The following DYNC1I2 variants were observed in gnomAD, a reference collection of about 807,000 sequenced individuals.
DYNC1I2 encodes the protein dynein cytoplasmic 1 intermediate chain 2, also known as cytoplasmic dynein 1 intermediate chain 2.
A neutral mutation model predicts 88.6 loss-of-function variants in DYNC1I2; 53 were observed. The ratio of observed to expected loss-of-function variants is 0.60; its 90% confidence interval spans 0.48 to 0.75. The LOEUF (loss-of-function observed/expected upper bound fraction) is 0.75, where lower values mean the gene tolerates loss of function less well. Among genes scored for constraint, DYNC1I2 ranks in the 30% least tolerant of loss-of-function variants. The probability of loss-of-function intolerance (pLI) is 0.00; values close to 1 mark genes in which losing one functional copy is unlikely to be tolerated. For synonymous variants in DYNC1I2, 198 were observed against 254.6 expected, an observed-to-expected ratio of 0.78 and a Z score of 2.12; for missense variants, 458 against 766.6, an observed-to-expected ratio of 0.60 and a Z score of 4.75.
At chr2:171,715,235 T>C in intron 6 of DYNC1I2, 93 bp from the exon 7 acceptor site, 3 of 674,542 alleles carry the variant, frequency 4.4e-6, no homozygotes, top group Non-Finnish European at 7.4e-6. Flanking sequence ...GAAATTACAA[T>C]GTTGGGTGCA....
chr2:171,695,399 C>A (rs74716360), intron 3 of DYNC1I2, among the ~76,000 whole-genome samples: 5,139 of 152,124 alleles, frequency 0.034, 116 homozygotes, highest in Non-Finnish European at 0.05. Context: ...ATGCCCGGCC[C>A]ACTTTTGAAT....
chr2:171,715,035 A>G (rs114740884), intron 6 of DYNC1I2, among the ~76,000 whole-genome samples: 58 of 152,298 alleles, frequency 3.8e-4, no homozygotes, highest in African/African-American at 1.4e-3. Context: ...TCCACTCTGA[A>G]GTTCCTATTC....
chr2:171,692,887 C>A lies in DYNC1I2; in HGVS notation c.219C>A (p.Ser73=). ...AAAGCATGGGGCTAACTCCAGAATC[C>A]CCCATTGGTAAGGTTAAGAATATAT... ...LLQSMGLTPE[S]PIVFSEYWVP... The change falls in exon 3 of 18, where the codon TCC becomes TCA. Residue 73 remains serine, a synonymous_variant. Transcript: ENST00000397119. The A allele has an allele frequency of 6.3e-7, 1 of 1,591,444 alleles. No individual in the cohort carries two copies. Among genetic ancestry groups the A allele is most frequent in the South Asian group, 1.1e-5 (1 of 87,586 alleles).
chr2:171,745,973 A>G (rs745647392), intron 17 of DYNC1I2, 46 bp downstream of exon 17: 2 of 1,608,164 alleles, frequency 1.2e-6, no homozygotes, highest in Non-Finnish European at 8.5e-7. Flanking sequence ...ATTTAGTTGC[A>G]TTGTAGTAAA....
intron 15 of DYNC1I2, among the ~76,000 whole-genome samples, chr2:171,731,879 A>G (rs76368189): frequency 0.027 from 4,129 of 152,320 alleles, 64 homozygotes; most frequent in Middle Eastern, 0.037. Flanking sequence ...GTAATCATAC[A>G]AAGGCAAGAC....
intron 1 of DYNC1I2, among the ~76,000 whole-genome samples, chr2:171,689,767 A>G (rs1426309292): frequency 6.6e-6 from 1 of 151,796 alleles, no homozygotes; most frequent in Non-Finnish European, 1.5e-5. Context: ...GCTGGAGTGC[A>G]GTGGCATGAT....
chr2:171,719,093 C>G (rs1172876702), intron 7 of DYNC1I2, among the ~76,000 whole-genome samples: 3 of 151,942 alleles, frequency 2.0e-5, no homozygotes, highest in Non-Finnish European at 2.9e-5. Flanking sequence ...AGTATTTGCT[C>G]TATGTAAAGG....
intron 15 of DYNC1I2, among the ~76,000 whole-genome samples, chr2:171,734,515 C>CT (rs1407537461): frequency 1.3e-5 from 2 of 152,190 alleles, no homozygotes; most frequent in African/African-American, 4.8e-5. Flanking sequence ...ATATAGAAGA[C>CT]TCATTTATTC....
At chr2:171,711,226 C>T (rs186632169) in intron 5 of DYNC1I2, among the ~76,000 whole-genome samples, 16 of 152,176 alleles carry the variant, frequency 1.1e-4, no homozygotes, top group African/African-American at 3.9e-4. Flanking sequence ...TGGTCTCGAA[C>T]TCCTGACCTC....
chr2:171,692,426 G>A (rs1198433215), intron 2 of DYNC1I2, among the ~76,000 whole-genome samples: 1 of 151,842 alleles, frequency 6.6e-6, no homozygotes, highest in Non-Finnish European at 1.5e-5. Context: ...CTAACCTTTT[G>A]TGCCACTTGG....
intron 14 of DYNC1I2, among the ~76,000 whole-genome samples, 154 bp downstream of exon 14, chr2:171,729,004 T>G (rs1350470123): frequency 6.6e-6 from 1 of 152,186 alleles, no homozygotes; most frequent in Non-Finnish European, 1.5e-5. Flanking sequence ...ACTTAATACC[T>G]TTTTGTATAA....
In DYNC1I2 at chr2:171,712,475, A is replaced by G. The variant is rs79317912; in HGVS notation, c.336-292A>G. On this transcript the variant is annotated intron_variant, in intron 5 of 17. Coordinates refer to ENST00000397119, the MANE Select transcript of DYNC1I2 (RefSeq NM_001378.3). ...TCTGACTTTAGTTGTTCTAAAGCAG[A>G]TCTATTATTATACAATATTAGTTTC... 707 of 283,170 alleles carry G rather than the reference A, an allele frequency of 2.5e-3. 12 individuals carry two copies. In the East Asian group the frequency reaches 0.029, roughly 12 times the overall value. 17.5% of individuals were successfully genotyped at this position (283,170 alleles called of 1,614,324 possible). A position where few individuals can be genotyped will look rare whatever the true frequency, so the allele number is the denominator to read the frequency against.
chr2:171,745,457 TTTTA>T (rs1689714591), intron 16 of DYNC1I2, among the ~76,000 whole-genome samples: 1 of 152,260 alleles, frequency 6.6e-6, no homozygotes, highest in African/African-American at 2.4e-5. Flanking sequence ...AGTGTTTTCT[TTTTA>T]AATGGGTTTT....
intron 1 of DYNC1I2, chr2:171,688,274 G>C (rs1685119558): frequency 6.6e-6 from 1 of 152,184 alleles, no homozygotes; most frequent in Non-Finnish European, 1.5e-5. Context: ...GAACACGGAG[G>C]TTCTAGCACA....
chr2:171,743,908 G>A (rs954439145), intron 15 of DYNC1I2, 141 bp from the exon 16 acceptor site: 1 of 687,550 alleles, frequency 1.5e-6, no homozygotes, highest in Non-Finnish European at 2.1e-6. Flanking sequence ...CAAATTGTAG[G>A]AACTTTTTCT....
Position 171,726,893 on chromosome 2 carries a change from C to G in DYNC1I2, c.973C>G (p.Pro325Ala). Residue 325 changes from proline to alanine, a missense_variant, in exon 11 of 18, where the codon CCA (proline) becomes GCA (alanine). Physicochemically the swap from Pro to Ala is conservative, Grantham distance 27. Transcript: ENST00000397119. The part of the protein sequence containing the change: ...VWNMKYKKTT[P>A]EYVFHCQSAV... Reference sequence around the variant, plus strand: ...GAATATGAAATACAAAAAAACTACCCCAGAGTATGTGTTTCACTGCCAGGT... The same window carrying G: ...GAATATGAAATACAAAAAAACTACCGCAGAGTATGTGTTTCACTGCCAGGT... 6.2e-7 allele frequency: 1 copy of G among 1,610,352 alleles called. No homozygotes were observed.
intron 6 of DYNC1I2, among the ~76,000 whole-genome samples, chr2:171,714,944 T>G (rs1020518758): frequency 1.3e-5 from 2 of 152,164 alleles, no homozygotes; most frequent in South Asian, 2.1e-4. Context: ...CTGAGTGATA[T>G]CTAGTCTGAT....
chr2:171,731,220 T>C (rs934718313), intron 15 of DYNC1I2, among the ~76,000 whole-genome samples: 1 of 152,080 alleles, frequency 6.6e-6, no homozygotes, highest in Non-Finnish European at 1.5e-5. Context: ...ATTTATACAG[T>C]GGGAAAAGGT....
At chr2:171,695,003 G>A (rs1158185674) in intron 3 of DYNC1I2, among the ~76,000 whole-genome samples, 1 of 152,136 alleles carries the variant, frequency 6.6e-6, no homozygotes, top group African/African-American at 2.4e-5. Context: ...TTTAGGGTTT[G>A]TGTATGTGTC....
Sources: gnomAD v4.1 joint callset for allele counts (sites outside exome capture counted in the v4.1 genomes callset) on GRCh38, gnomAD v4.1.1 for gene constraint, MANE v1.5 for transcripts, NCBI Gene and HGNC (gene_info 2026-07-23, HGNC 2026-07-21) for gene names.